Variants in HLF observed in about 807,000 individuals in gnomAD.
HLF encodes the protein hepatic leukemia factor.
In HLF, 3 loss-of-function variants were observed where a neutral mutation model predicts 22.6. The ratio of observed to expected loss-of-function variants is 0.13; its 90% CI spans 0.06 to 0.34. HLF has a LOEUF of 0.34. Ranked by LOEUF, HLF falls within the 10% of genes least tolerant of loss-of-function variation. The pLI, the probability that HLF is intolerant of heterozygous loss-of-function variation, is 1.00. For synonymous variants in HLF, 151 were observed against 151.8 expected (o/e 0.99, Z 0.04); for missense variants, 299 against 389.2 (o/e 0.77, Z 1.95).
chr17:55,301,797 G>A (rs796128423), intron 2 of HLF, among the ~76,000 whole-genome samples: 45 of 152,322 alleles, frequency 3.0e-4, no homozygotes, highest in Middle Eastern at 3.4e-3. Flanking sequence ...GTTGGCAGAT[G>A]GGATTGCAGG....
chr17:55,320,876 G>C lies in HLF; in HGVS notation c.885G>C (p.Leu295=). The part of the protein sequence containing the change: ...LAKYEARHGP[L] ...AGTATGAGGCCAGGCACGGGCCCCTGTAGGATGGCATTTTTGCAGGCTGGC... is the reference window on the plus strand; with the variant it reads ...AGTATGAGGCCAGGCACGGGCCCCTCTAGGATGGCATTTTTGCAGGCTGGC... Residue 295 remains leucine, a synonymous_variant, in exon 4 of 4, where the codon CTG becomes CTC. Coordinates refer to ENST00000226067, the MANE Select transcript of HLF (RefSeq NM_002126.5). The surrounding 1 kb of genome is among the most constrained non-coding windows in gnomAD (Gnocchi z 4.2). 6.2e-7 allele frequency: 1 copy of C among 1,609,604 alleles called. No individual in the cohort carries two copies. Among genetic ancestry groups the C allele is most frequent in the Non-Finnish European group, 8.5e-7 (1 of 1,178,328 alleles).
At chr17:55,265,856 T>A (rs2080782693) in intron 1 of HLF, 3 of 1,244,814 alleles carry the variant, frequency 2.4e-6, no homozygotes, top group South Asian at 5.1e-5. Context: ...GTCCCGCTCC[T>A]GCGGCGCGGG....
At chr17:55,284,866 G>T (rs2080988659) in intron 2 of HLF, among the ~76,000 whole-genome samples, 1 of 152,108 alleles carries the variant, frequency 6.6e-6, no homozygotes, top group African/African-American at 2.4e-5. Context: ...GTTGAAAGAG[G>T]GCCCAGTGAG....
intron 2 of HLF, among the ~76,000 whole-genome samples, chr17:55,277,235 A>G (rs7218420): frequency 0.13 from 2,386 of 19,002 alleles, 40 homozygotes; most frequent in Middle Eastern, 0.2. Context: ...ACCAGATGTT[A>G]TGTGTATGTG....
chr17:55,305,563 A>G (rs1411830330), intron 2 of HLF, among the ~76,000 whole-genome samples: 2 of 152,148 alleles, frequency 1.3e-5, no homozygotes, highest in East Asian at 1.9e-4. Context: ...AGCGTGGGCT[A>G]TGGTTGAGCC....
intron 2 of HLF, among the ~76,000 whole-genome samples, chr17:55,285,186 C>T (rs1445742166): frequency 6.6e-6 from 1 of 152,198 alleles, no homozygotes; most frequent in African/African-American, 2.4e-5. Context: ...TCACACCTTA[C>T]ACCAGACCAG....
chr17:55,315,107 T>C (rs1905011483), intron 2 of HLF, 120 bp from the exon 3 acceptor site: 4 of 724,068 alleles, frequency 5.5e-6, no homozygotes, highest in South Asian at 3.5e-5. Flanking sequence ...AGATAAATCA[T>C]GTTAGCATCA....
At chr17:55,303,146 AG>A (rs1904379495) in intron 2 of HLF, among the ~76,000 whole-genome samples, 1 of 152,212 alleles carries the variant, frequency 6.6e-6, no homozygotes, top group South Asian at 2.1e-4. Context: ...GGATATGAGA[AG>A]GGGCTGAGGT....
chr17:55,307,147 C>CTTTT (rs35828509), intron 2 of HLF, among the ~76,000 whole-genome samples: 99 of 70,162 alleles, frequency 1.4e-3, no homozygotes, highest in African/African-American at 2.3e-3. Flanking sequence ...TCTCAGCGGC[C>CTTTT]TTTTTTTTTT....
intron 2 of HLF, among the ~76,000 whole-genome samples, chr17:55,307,078 A>G (rs1488857267): frequency 7.2e-6 from 1 of 139,366 alleles, no homozygotes. Context: ...TTTTTTCCTC[A>G]TCCCATTTCC....
chr17:55,295,401 G>A (rs1171540622), intron 2 of HLF, among the ~76,000 whole-genome samples: 1 of 152,138 alleles, frequency 6.6e-6, no homozygotes, highest in Non-Finnish European at 1.5e-5. Context: ...TATAATGAGA[G>A]GGGAAAAAAA....
intron 2 of HLF, among the ~76,000 whole-genome samples, chr17:55,294,831 TC>T (rs765310072): frequency 6.6e-6 from 1 of 152,190 alleles, no homozygotes; most frequent in Non-Finnish European, 1.5e-5. Context: ...TTCTATATCC[TC>T]CCTTTTAAAA....
At chr17:55,292,299 C>T (rs1249421416) in intron 2 of HLF, among the ~76,000 whole-genome samples, 2 of 152,134 alleles carry the variant, frequency 1.3e-5, no homozygotes, top group Non-Finnish European at 1.5e-5. Context: ...ACTTCATTGT[C>T]GTGTTATTTT....
Position 55,322,134 on chromosome 17 carries a change from G to A in HLF, c.*1255G>A, listed in dbSNP as rs1905281930. On this transcript the variant is annotated 3_prime_UTR_variant, in exon 4 of 4. Coordinates refer to ENST00000226067, the MANE Select transcript of HLF (RefSeq NM_002126.5). The stretch of plus-strand genomic sequence containing the variant: ...AGCTTATGTTTCTTATTCTCTGTTT[G>A]CTTTTGAACGTATGTGCTCTTATAA... 4.9e-6 allele frequency: 1 copy of A among 204,464 alleles called. No individual in the cohort carries two copies. Among genetic ancestry groups the A allele is most frequent in the East Asian group, 7.5e-5 (1 of 13,252 alleles). The allele number at this position is 204,464 out of a possible 1,614,324, so 12.7% of individuals were successfully genotyped here.
intron 2 of HLF, among the ~76,000 whole-genome samples, chr17:55,306,537 A>AGTGTGTGTGTGTGTGTGTGTGTGTGTGT (rs60472672): frequency 7.0e-6 from 1 of 143,696 alleles, no homozygotes; most frequent in Admixed American, 7.0e-5. Flanking sequence ...GCAAAAAGGA[A>AGTGTGTGTGTGTGTGTGTGTGTGTGTGT]GTGTGTGTGT....
intron 2 of HLF, among the ~76,000 whole-genome samples, chr17:55,283,185 G>A (rs2080969570): frequency 6.6e-6 from 1 of 152,130 alleles, no homozygotes; most frequent in Non-Finnish European, 1.5e-5. Context: ...TGGCTCTTTT[G>A]ATGGCAACTT....
At chr17:55,306,574 G>GTGTGTGTGTGTA (rs781490669) in intron 2 of HLF, among the ~76,000 whole-genome samples, 1 of 146,006 alleles carries the variant, frequency 6.8e-6, no homozygotes, top group Non-Finnish European at 1.5e-5. Context: ...GTGTGTGTGT[G>GTGTGTGTGTGTA]TATGCATGTG....
chr17:55,296,487 GTATGGAAA>G (rs1394336694), intron 2 of HLF, among the ~76,000 whole-genome samples: 2 of 152,020 alleles, frequency 1.3e-5, no homozygotes, highest in Non-Finnish European at 2.9e-5. Context: ...TATATTGTGT[GTATGGAAA>G]TATGGAAATA....
intron 2 of HLF, among the ~76,000 whole-genome samples, chr17:55,298,042 G>A (rs1411327119): frequency 2.0e-5 from 3 of 152,056 alleles, no homozygotes; most frequent in East Asian, 1.9e-4. Flanking sequence ...GAGCCACCGC[G>A]CCCAGCCAGC....
Sources: allele counts gnomAD v4.1 joint callset (sites outside exome capture counted in the v4.1 genomes callset), GRCh38; gene constraint gnomAD v4.1.1; non-coding constraint Gnocchi (gnomAD v3.1); transcripts MANE v1.5; gene names NCBI Gene and HGNC (gene_info 2026-07-23, HGNC 2026-07-21).